PGR: variants seen among roughly 807,000 people sequenced by gnomAD.
PGR encodes nuclear receptor subfamily 3 group C member 3.
In PGR, 25 loss-of-function variants were observed where a neutral mutation model predicts 76.1. The observed-to-expected ratio is 0.33, with a 90% CI of 0.24 to 0.46. PGR has a LOEUF of 0.46. Ranked by LOEUF, PGR falls within the 20% of genes least tolerant of loss-of-function variation. The probability of loss-of-function intolerance (pLI) is 1.00; values close to 1 mark genes in which losing one functional copy is unlikely to be tolerated. For missense variants in PGR, 1,172 were observed against 1,225.3 expected, an observed-to-expected ratio of 0.96 and a Z score of 0.65; for synonymous variants, 579 against 535.0, an observed-to-expected ratio of 1.08 and a Z score of -1.14.
chr11:101,075,621 C>A (rs1323424442), intron 3 of PGR, among the ~76,000 whole-genome samples: 92 of 124,424 alleles, frequency 7.4e-4, no homozygotes, highest in Non-Finnish European at 1.1e-3. Context: ...AACAAATTTA[C>A]AAAAAAAAAA....
rs2020876 is a variant in PGR, at chr11:101,091,797, G to T, written c.1869C>A (p.Arg623=). 6,537 of 1,607,146 alleles carry T rather than the reference G, an allele frequency of 4.1e-3. 121 individuals are homozygous for T. The Admixed American group carries it at 0.043, about 11-fold the overall frequency. Residue 623 remains arginine, a synonymous_variant, in exon 3 of 8, where the codon CGC becomes CGA. Transcript: ENST00000325455. ...TGCCAGCCTGACAGCACTTTCTAAGGCGACATGCTGGGCAGTTTTTTCTGC... is the reference window on the plus strand; with the variant it reads ...TGCCAGCCTGACAGCACTTTCTAAGTCGACATGCTGGGCAGTTTTTTCTGC... ...KIRRKNCPAC[R]LRKCCQAGMV... is the part of the protein sequence containing the mutation.
At chr11:101,051,294 T>C (rs1204122704) in intron 5 of PGR, 130 bp downstream of exon 5, 5 of 646,916 alleles carry the variant, frequency 7.7e-6, no homozygotes, top group African/African-American at 1.8e-5. Context: ...AAATATAAAA[T>C]TACCGTAAAA....
At chr11:101,044,867 C>T (rs181381596) in intron 6 of PGR, among the ~76,000 whole-genome samples, 5 of 151,958 alleles carry the variant, frequency 3.3e-5, no homozygotes, top group Middle Eastern at 3.4e-3. Context: ...CCATCATGTC[C>T]GACTAATTTT....
At position 101,035,777 on chromosome 11, in the gene PGR, C is replaced by T. The variant is rs1170847345; in HGVS notation, c.*3339G>A. Reference sequence around the variant, plus strand: ...GAAGAAATTACTTGAATACTTCCAGCCCTAATTTCAAATGAATTCAACCAA... The same window carrying T: ...GAAGAAATTACTTGAATACTTCCAGTCCTAATTTCAAATGAATTCAACCAA... On this transcript the variant is annotated 3_prime_UTR_variant, in exon 8 of 8. Transcript: ENST00000325455. 1.3e-5 allele frequency: 3 copies of T among 231,188 alleles called. No homozygotes were observed. The Admixed American group carries it at 1.7e-4, about 13-fold the overall frequency. The allele number at this position is 231,188 out of a possible 1,614,324, so 14.3% of individuals were successfully genotyped here.
rs190204480 is a variant in PGR, at chr11:101,106,867, A to G, written c.1790-14991T>C. 7.4e-3 allele frequency among the ~76,000 whole-genome samples: 1,133 copies of G among 152,352 alleles called. 51 individuals carry two copies. Among genetic ancestry groups the G allele is most frequent in the Admixed American group, 0.062 (949 of 15,300 alleles). ...TAAGCAAATGTGGCACGTATACACC[A>G]TGGAATACTATGCAGCCATAAAAAA... On this transcript the variant is annotated intron_variant, in intron 2 of 7. Transcript: ENST00000325455.
At chr11:101,056,515 G>C (rs957760866) in intron 4 of PGR, among the ~76,000 whole-genome samples, 1 of 150,558 alleles carries the variant, frequency 6.6e-6, no homozygotes, top group African/African-American at 2.5e-5. Context: ...TGTAGTGCTG[G>C]GGAGGCTGAA....
intron 7 of PGR, among the ~76,000 whole-genome samples, chr11:101,040,842 T>C (rs1859673719): frequency 6.6e-6 from 1 of 152,056 alleles, no homozygotes; most frequent in African/African-American, 2.4e-5. Context: ...ATTTTCTCTA[T>C]TTTTTCTTCT....
intron 3 of PGR, among the ~76,000 whole-genome samples, chr11:101,067,893 A>G (rs1860778167): frequency 6.6e-6 from 1 of 152,188 alleles, no homozygotes; most frequent in Non-Finnish European, 1.5e-5. Context: ...TCTCAAAACT[A>G]AAAAATCTAT....
chr11:101,051,075 T>A (rs1860071866), intron 5 of PGR: 1 of 193,064 alleles, frequency 5.2e-6, no homozygotes, highest in Non-Finnish European at 1.1e-5. Context: ...ATTTGTCATG[T>A]ATGAAGAAAG....
At chr11:101,113,717 G>T (rs1862415476) in intron 2 of PGR, among the ~76,000 whole-genome samples, 1 of 152,094 alleles carries the variant, frequency 6.6e-6, no homozygotes, top group South Asian at 2.1e-4. Flanking sequence ...ATTAAAACAT[G>T]AGATAGTAAA....
At chr11:101,065,583 A>T (rs924802360) in intron 3 of PGR, among the ~76,000 whole-genome samples, 1 of 152,200 alleles carries the variant, frequency 6.6e-6, no homozygotes, top group Non-Finnish European at 1.5e-5. Flanking sequence ...ATTCAGTGAC[A>T]GTTTAGAATG....
intron 6 of PGR, among the ~76,000 whole-genome samples, chr11:101,049,528 G>A (rs926192034): frequency 2.0e-5 from 3 of 152,090 alleles, no homozygotes; most frequent in African/African-American, 7.2e-5. Flanking sequence ...GTGCTATGAT[G>A]TTATGGTGGC....
intron 4 of PGR, among the ~76,000 whole-genome samples, chr11:101,052,855 G>T (rs1019830850): frequency 6.6e-5 from 10 of 152,164 alleles, no homozygotes; most frequent in Non-Finnish European, 1.5e-4. Context: ...TTCAGTATTT[G>T]TCTTGAAGGG....
At chr11:101,099,737 T>C (rs1185479015) in intron 2 of PGR, among the ~76,000 whole-genome samples, 1 of 152,068 alleles carries the variant, frequency 6.6e-6, no homozygotes, top group East Asian at 1.9e-4. Flanking sequence ...CAGTAAAGTA[T>C]CTCCATGAAT....
At chr11:101,063,407 T>C (rs1860585782) in intron 3 of PGR, 1 of 152,268 alleles carries the variant, frequency 6.6e-6, no homozygotes, top group Non-Finnish European at 1.5e-5. Context: ...AGATCACATT[T>C]GTATTTCTGG....
chr11:101,127,379 C>A, intron 1 of PGR, 55 bp downstream of exon 1: 2 of 1,359,084 alleles, frequency 1.5e-6, no homozygotes, highest in South Asian at 1.5e-5. Context: ...GCCGCCGCCG[C>A]CAACGGAACC....
intron 2 of PGR, among the ~76,000 whole-genome samples, chr11:101,108,445 TCATG>T (rs1862244997): frequency 6.6e-6 from 1 of 152,104 alleles, no homozygotes; most frequent in Non-Finnish European, 1.5e-5. Flanking sequence ...TGAGCTATGA[TCATG>T]CCACTGCACT....
chr11:101,081,525 A>G (rs1233770747), intron 3 of PGR, among the ~76,000 whole-genome samples: 2 of 152,208 alleles, frequency 1.3e-5, no homozygotes, highest in Non-Finnish European at 2.9e-5. Flanking sequence ...AGTGCAGATC[A>G]CATAAAAAGG....
rs1476129356 is a variant in PGR at position 101,035,211 on chromosome 11, C to T, written c.*3905G>A. The T allele has an allele frequency of 1.4e-5, 3 of 219,016 alleles. No individual in the cohort carries two copies. The highest frequency in any genetic ancestry group is 1.2e-4 in the Admixed American group (2 of 17,266). The allele number at this position is 219,016 out of a possible 1,614,324, so 13.6% of individuals were successfully genotyped here. A position where few individuals can be genotyped will look rare whatever the true frequency, so the allele number is the denominator to read the frequency against. On this transcript the variant is annotated 3_prime_UTR_variant, in exon 8 of 8. Transcript: ENST00000325455. Reference sequence around the variant, plus strand: ...ACCACAGTTGTTGAGCTATTGAATACAAAAATAGAGTATCTTTAAATTTGA... The same window carrying T: ...ACCACAGTTGTTGAGCTATTGAATATAAAAATAGAGTATCTTTAAATTTGA...
Sources: allele counts gnomAD v4.1 joint callset (sites outside exome capture counted in the v4.1 genomes callset), GRCh38; gene constraint gnomAD v4.1.1; transcripts MANE v1.5; gene names NCBI Gene and HGNC (gene_info 2026-07-23, HGNC 2026-07-21).